MDN1: variants seen among roughly 807,000 people sequenced by gnomAD.
MDN1 encodes midasin AAA ATPase 1.
In MDN1, 266 loss-of-function variants were observed where a neutral mutation model predicts 669.2. That is an observed-to-expected ratio of 0.40 (90% CI 0.36 to 0.44). The LOEUF is 0.44. Among genes scored for constraint, MDN1 ranks in the 20% least tolerant of loss-of-function variants. MDN1 has a pLI of 1.00. For missense variants in MDN1, 5,940 were observed against 6,754.0 expected, an observed-to-expected ratio of 0.88 and a Z score of 4.22; for synonymous variants, 2,385 against 2,457.1, an observed-to-expected ratio of 0.97 and a Z score of 0.87.
In MDN1 at chr6:89,687,033, GA is replaced by G; in HGVS notation, c.11451-11del. On this transcript the variant is annotated splice_polypyrimidine_tract_variant and intron_variant, in intron 68 of 101. Transcript: ENST00000369393. ...ACTCATGGACCAGCAGCTGAAACGA[GA>G]AGAAGCCAAGGAGGCATTTAGGAAA... 1 of 1,610,854 alleles carries G rather than the reference GA, an allele frequency of 6.2e-7. No individual in the cohort carries two copies. The highest frequency in any genetic ancestry group is 1.1e-5 in the South Asian group (1 of 90,864).
chr6:89,677,505 C>G, intron 76 of MDN1, 65 bp downstream of exon 76: 1 of 1,595,668 alleles, frequency 6.3e-7, no homozygotes, highest in South Asian at 1.1e-5. Context: ...CAAATGAGGA[C>G]AAGGAGTTCT....
Position 89,785,111 on chromosome 6 carries a change from T to C in MDN1, c.1350A>G (p.Gly450=). 3 of 1,613,384 alleles carry C rather than the reference T, an allele frequency of 1.9e-6. No homozygotes were observed. The highest frequency in any genetic ancestry group is 2.5e-6 in the Non-Finnish European group (3 of 1,179,404). Residue 450 remains glycine, a synonymous_variant, in exon 9 of 102, where the codon GGA becomes GGG. Transcript: ENST00000369393. The stretch of plus-strand genomic sequence containing the variant: ...TGTTTAGCGGTCGATACCAATTTCC[T>C]CCACAGCTCAAGAGTCTACGTTTCA... ...FFATRRLLSC[G]GNWYRPLNSH...
chr6:89,704,125 A>G (rs1390030480), intron 53 of MDN1, among the ~76,000 whole-genome samples: 1 of 152,108 alleles, frequency 6.6e-6, no homozygotes, highest in Non-Finnish European at 1.5e-5. Context: ...TCATGCCTGT[A>G]ATCCCAGCAT....
At chr6:89,761,891 C>A in intron 16 of MDN1, 143 bp from the exon 17 acceptor site, 1 of 620,530 alleles carries the variant, frequency 1.6e-6, no homozygotes, top group Non-Finnish European at 2.7e-6. Context: ...ATAATGCTAA[C>A]AAAATGCCAG....
At chr6:89,749,100 A>C (rs1816821884) in intron 26 of MDN1, 123 bp downstream of exon 26, 1 of 942,154 alleles carries the variant, frequency 1.1e-6, no homozygotes. Context: ...AAAACAATAA[A>C]AAATAAAAAA....
chr6:89,768,497 A>C (rs936640455), intron 15 of MDN1, among the ~76,000 whole-genome samples: 13 of 152,202 alleles, frequency 8.5e-5, no homozygotes, highest in African/African-American at 2.7e-4. Context: ...TAAATTATCC[A>C]GTCTCAGGTA....
chr6:89,690,475 T>C (rs1231692768), intron 64 of MDN1, among the ~76,000 whole-genome samples, 198 bp downstream of exon 64: 1 of 151,998 alleles, frequency 6.6e-6, no homozygotes, highest in Non-Finnish European at 1.5e-5. Context: ...GGAGGATTGT[T>C]TGAGCCCAGG....
At chr6:89,772,396 G>T (rs946246120) in intron 14 of MDN1, among the ~76,000 whole-genome samples, 177 bp downstream of exon 14, 2 of 152,170 alleles carry the variant, frequency 1.3e-5, no homozygotes, top group Non-Finnish European at 2.9e-5. Flanking sequence ...AGCATAGATT[G>T]GAAATGAAAT....
chr6:89,808,932 T>G (rs536758352), intron 1 of MDN1, among the ~76,000 whole-genome samples: 1 of 152,068 alleles, frequency 6.6e-6, no homozygotes, highest in Non-Finnish European at 1.5e-5. Context: ...AGTATATGTA[T>G]TTGGCTGGGC....
chr6:89,761,702 G>A lies in MDN1; in HGVS notation c.2403C>T (p.Asn801=). 6.2e-7 allele frequency: 1 copy of A among 1,612,706 alleles called. No homozygotes were observed. The highest frequency in any genetic ancestry group is 8.5e-7 in the Non-Finnish European group (1 of 1,179,304). The change falls in exon 17 of 102, where the codon AAC becomes AAT. Residue 801 remains asparagine, a synonymous_variant. Transcript: ENST00000369393. ...EKWEAFGLRL[N]HAQQQMKMTE... ...TCATTTTCATCTGTTGTTGGGCATG[G>A]TTGAGTCTAAGACCAAATGCTTCCC...
At chr6:89,799,588 C>T (rs1767496340) in intron 2 of MDN1, among the ~76,000 whole-genome samples, 2 of 152,134 alleles carry the variant, frequency 1.3e-5, no homozygotes, top group South Asian at 4.1e-4. Flanking sequence ...GAGGCTGAGG[C>T]AGGAGAATCA....
At position 89,784,963 on chromosome 6, in the gene MDN1, G is replaced by A. The variant is rs140251641; in HGVS notation, c.1449+49C>T. On this transcript the variant is annotated intron_variant, in intron 9 of 101. Coordinates refer to ENST00000369393, the MANE Select transcript of MDN1 (RefSeq NM_014611.3). Reference sequence around the variant, plus strand: ...TATTATACTATTTCCTATTTCACGCGGGAGCCACTGCACCTGGCCAGCATT... The same window carrying A: ...TATTATACTATTTCCTATTTCACGCAGGAGCCACTGCACCTGGCCAGCATT... 1.6e-3 allele frequency: 1,965 copies of A among 1,212,886 alleles called. 17 individuals are homozygous for A. In the African/African-American group the frequency reaches 0.023, roughly 14 times the overall value. The allele number at this position is 1,212,886 out of a possible 1,614,324, so 75.1% of individuals were successfully genotyped here. A position where few individuals can be genotyped will look rare whatever the true frequency, so the allele number is the denominator to read the frequency against.
chr6:89,730,712 A>C lies in MDN1; in HGVS notation c.5140+14T>G, dbSNP rs763134931. 3 of 1,599,194 alleles carry C rather than the reference A, an allele frequency of 1.9e-6. No homozygotes were observed. The Admixed American group carries it at 5.3e-5, about 28-fold the overall frequency. On this transcript the variant is annotated intron_variant, in intron 35 of 101. Transcript: ENST00000369393. ...ATAGAAAAGGAAAATTCATTTTTTAAAAATCATTCTTACCCCTTGGTATAA... is the reference window on the plus strand; with the variant it reads ...ATAGAAAAGGAAAATTCATTTTTTACAAATCATTCTTACCCCTTGGTATAA...
chr6:89,680,325 G>A (rs528148316), intron 74 of MDN1, among the ~76,000 whole-genome samples: 3 of 152,322 alleles, frequency 2.0e-5, no homozygotes, highest in African/African-American at 4.8e-5. Context: ...CCAACCAACA[G>A]GAACTAGTAT....
chr6:89,768,961 G>A (rs1817947228), intron 15 of MDN1, among the ~76,000 whole-genome samples: 1 of 151,956 alleles, frequency 6.6e-6, no homozygotes, highest in Non-Finnish European at 1.5e-5. Flanking sequence ...GGCTGAGATG[G>A]AAGGATCACT....
intron 1 of MDN1, among the ~76,000 whole-genome samples, chr6:89,807,089 GT>G (rs370256242): frequency 2.0e-5 from 3 of 151,522 alleles, no homozygotes; most frequent in African/African-American, 7.2e-5. Flanking sequence ...ACATTGTTTT[GT>G]TTTTTATTTT....
chr6:89,664,886 T>TAA (rs1424646264), intron 84 of MDN1, among the ~76,000 whole-genome samples: 1 of 152,224 alleles, frequency 6.6e-6, no homozygotes, highest in African/African-American at 2.4e-5. Context: ...TGCAAGAATA[T>TAA]ATATTCTTTG....
chr6:89,810,141 T>TA lies in MDN1; in HGVS notation c.103-6588dup, dbSNP rs561389825. On this transcript the variant is annotated intron_variant, in intron 1 of 101. Transcript: ENST00000369393. ...CATAACAAAATACCACAAACTGACT[T>TA]AAAAAAAAACAAGGCCGGGTATAGT... Among the ~76,000 whole-genome samples, 1,255 of 149,880 alleles carry TA rather than the reference T, an allele frequency of 8.4e-3. 29 individuals are homozygous for TA. The highest frequency in any genetic ancestry group is 0.029 in the African/African-American group (1,177 of 40,840).
chr6:89,812,135 G>A (rs1056904579), intron 1 of MDN1, among the ~76,000 whole-genome samples: 3 of 151,662 alleles, frequency 2.0e-5, no homozygotes, highest in African/African-American at 4.8e-5. Context: ...ACAGGCATGC[G>A]CCACCACACC....
Sources: gnomAD v4.1 joint callset for allele counts (sites outside exome capture counted in the v4.1 genomes callset) on GRCh38, gnomAD v4.1.1 for gene constraint, MANE v1.5 for transcripts, NCBI Gene and HGNC (gene_info 2026-07-23, HGNC 2026-07-21) for gene names.